GAREM1: variants seen among roughly 807,000 people sequenced by gnomAD.
GAREM1 encodes the protein GRB2 associated regulator of MAPK1 subtype 1.
A neutral mutation model predicts 71.3 loss-of-function variants in GAREM1; 26 were observed. The observed-to-expected ratio is 0.36, with a 90% CI of 0.27 to 0.51. The LOEUF is 0.51. Ranked by LOEUF, GAREM1 falls within the 20% of genes least tolerant of loss-of-function variation. The pLI, the probability that GAREM1 is intolerant of heterozygous loss-of-function variation, is 0.95. For synonymous variants in GAREM1, 440 were observed against 433.2 expected, an observed-to-expected ratio of 1.02 and a Z score of -0.20; for missense variants, 1,026 against 1,103.1, an observed-to-expected ratio of 0.93 and a Z score of 0.99.
intron 3 of GAREM1, among the ~76,000 whole-genome samples, chr18:32,300,365 T>C (rs2047187030): frequency 6.6e-6 from 1 of 152,172 alleles, no homozygotes; most frequent in African/African-American, 2.4e-5. Flanking sequence ...GGGTTACAAC[T>C]GAACTACACT....
chr18:32,418,936 G>A (rs189616587), intron 1 of GAREM1, among the ~76,000 whole-genome samples: 17 of 152,280 alleles, frequency 1.1e-4, no homozygotes, highest in East Asian at 5.8e-4. Flanking sequence ...ATAGTCAGAC[G>A]TCTAGCACTC....
rs185119475 is a variant in GAREM1, at chr18:32,330,173, G to T, written c.263-19850C>A. On this transcript the variant is annotated intron_variant, in intron 2 of 5. Transcript: ENST00000269209. ...CATATATACCACAGAATACTACACA[G>T]CCATAAACGAGAACAAATCATGTCT... is the stretch of plus-strand genomic sequence containing the variant. 4.2e-4 allele frequency among the ~76,000 whole-genome samples: 64 copies of T among 152,278 alleles called. 2 individuals are homozygous for T. The Middle Eastern group carries it at 0.031, about 73-fold the overall frequency.
At chr18:32,285,255 G>A (rs2047001456) in intron 4 of GAREM1, among the ~76,000 whole-genome samples, 1 of 152,152 alleles carries the variant, frequency 6.6e-6, no homozygotes, top group Admixed American at 6.5e-5. Flanking sequence ...TAGCTGCTGG[G>A]GAGCTCTCAA....
At chr18:32,433,908 G>GT (rs1272051736) in intron 1 of GAREM1, among the ~76,000 whole-genome samples, 2 of 152,058 alleles carry the variant, frequency 1.3e-5, no homozygotes, top group East Asian at 3.9e-4. Flanking sequence ...ATCTTGGCAG[G>GT]TTTTTTTGTA....
chr18:32,276,202 A>G (rs646466), intron 4 of GAREM1, among the ~76,000 whole-genome samples: 152,120 of 152,344 alleles, frequency 1, 75,948 homozygotes, highest in Middle Eastern at 1. Context: ...GCATATTCAG[A>G]CAACTGAAAT....
At chr18:32,357,207 C>G (rs1055248935) in intron 2 of GAREM1, among the ~76,000 whole-genome samples, 1 of 152,148 alleles carries the variant, frequency 6.6e-6, no homozygotes, top group Non-Finnish European at 1.5e-5. Context: ...CCAGGCACAG[C>G]GGTTCATGCC....
chr18:32,324,452 T>G (rs1052805986), intron 2 of GAREM1, among the ~76,000 whole-genome samples: 2 of 152,080 alleles, frequency 1.3e-5, no homozygotes, highest in Non-Finnish European at 2.9e-5. Flanking sequence ...TGAGCTGTGG[T>G]TTTCATTAGG....
intron 4 of GAREM1, among the ~76,000 whole-genome samples, chr18:32,286,719 T>C (rs143704398): frequency 2.0e-5 from 3 of 152,318 alleles, no homozygotes; most frequent in East Asian, 1.9e-4. Context: ...CCTACCTTAA[T>C]GCAGTCGCCT....
intron 4 of GAREM1, among the ~76,000 whole-genome samples, chr18:32,270,897 GTTT>G (rs58914123): frequency 1.1e-5 from 1 of 92,594 alleles, no homozygotes; most frequent in African/African-American, 4.3e-5. Flanking sequence ...GTTCAGGGAT[GTTT>G]TTTTTTTTTT....
chr18:32,462,016 T>C (rs1387801475), intron 1 of GAREM1, among the ~76,000 whole-genome samples: 2 of 152,240 alleles, frequency 1.3e-5, no homozygotes, highest in African/African-American at 4.8e-5. Context: ...TATAATGCAG[T>C]TGATCACAAC....
Position 32,350,892 on chromosome 18 carries a change from T to G in GAREM1, c.263-40569A>C, listed in dbSNP as rs374080641. ...CATGATGTTTAAACAAAATTTCAAT[T>G]TATTAGACAAATTCCTACTTTTGAT... On this transcript the variant is annotated intron_variant, in intron 2 of 5. Transcript: ENST00000269209. Among the ~76,000 whole-genome samples the G allele has an allele frequency of 4.0e-4, 61 of 152,328 alleles. No homozygotes were observed. The East Asian group carries it at 9.1e-3, about 23-fold the overall frequency.
intron 1 of GAREM1, among the ~76,000 whole-genome samples, chr18:32,406,370 T>C (rs2048366693): frequency 6.6e-6 from 1 of 152,092 alleles, no homozygotes; most frequent in Non-Finnish European, 1.5e-5. Flanking sequence ...TCCTAGTTGT[T>C]TTACTGTCTT....
chr18:32,382,339 C>T (rs904364040), intron 2 of GAREM1, among the ~76,000 whole-genome samples: 5 of 151,932 alleles, frequency 3.3e-5, no homozygotes, highest in Admixed American at 6.6e-5. Flanking sequence ...AAAATGAGGC[C>T]GGATTTCACT....
At position 32,287,337 on chromosome 18, in the gene GAREM1, G is replaced by A; in HGVS notation, c.1260C>T (p.Ile420=). ...TATCTCCAGAGTCCTGATAGGGCAG[G>A]ATGTCATGAGGAAAGGGAGCCCAAT... ...GGDWAPFPHD[I]LPYQDSGDSG... Residue 420 remains isoleucine (I), a synonymous_variant, in exon 4 of 6, where the codon ATC becomes ATT. Transcript: ENST00000269209. The surrounding 1 kb of genome is among the most constrained non-coding windows in gnomAD (Gnocchi z 5.9). 6.2e-7 allele frequency: 1 copy of A among 1,614,186 alleles called. No individual in the cohort carries two copies. The highest frequency in any genetic ancestry group is 8.5e-7 in the Non-Finnish European group (1 of 1,180,036).
intron 5 of GAREM1, among the ~76,000 whole-genome samples, chr18:32,269,017 AAAT>A (rs1264302915): frequency 1.3e-5 from 2 of 152,218 alleles, no homozygotes; most frequent in African/African-American, 4.8e-5. Flanking sequence ...GCTAGTAAGA[AAAT>A]AATTGTTAAT....
intron 2 of GAREM1, among the ~76,000 whole-genome samples, chr18:32,384,661 C>T (rs910488340): frequency 3.3e-5 from 5 of 152,162 alleles, no homozygotes; most frequent in African/African-American, 1.2e-4. Context: ...TATTTTCCCT[C>T]ATACTATAAT....
intron 2 of GAREM1, among the ~76,000 whole-genome samples, chr18:32,371,212 AC>A (rs1415305096): frequency 6.6e-6 from 1 of 152,134 alleles, no homozygotes; most frequent in East Asian, 1.9e-4. Flanking sequence ...CACTGGCAGG[AC>A]CCAGGCCAGG....
At chr18:32,341,718 C>T (rs1413078617) in intron 2 of GAREM1, among the ~76,000 whole-genome samples, 4 of 152,042 alleles carry the variant, frequency 2.6e-5, no homozygotes, top group Admixed American at 6.6e-5. Flanking sequence ...CTCTGGTTCC[C>T]AAGTGGAGAA....
At chr18:32,464,360 A>G (rs2048979769) in intron 1 of GAREM1, among the ~76,000 whole-genome samples, 1 of 152,176 alleles carries the variant, frequency 6.6e-6, no homozygotes. Context: ...GGATTAAATT[A>G]AAAGTTCCTG....
Sources: gnomAD v4.1 joint callset for allele counts (sites outside exome capture counted in the v4.1 genomes callset) on GRCh38, gnomAD v4.1.1 for gene constraint, Gnocchi (gnomAD v3.1) non-coding constraint, MANE v1.5 for transcripts, NCBI Gene and HGNC (gene_info 2026-07-23, HGNC 2026-07-21) for gene names.